MACROD2: variants seen among roughly 807,000 people sequenced by gnomAD.
MACROD2 encodes ADP-ribose glycohydrolase MACROD2.
Under a neutral mutation model 70.4 loss-of-function variants are expected in MACROD2, and 36 were observed. The observed-to-expected ratio is 0.51, with a 90% CI of 0.39 to 0.68. The LOEUF (loss-of-function observed/expected upper bound fraction) is 0.68. MACROD2 is among the 30% of genes least tolerant of loss of function. MACROD2 has a pLI of 0.00. For missense variants in MACROD2, 496 were observed against 538.4 expected (o/e 0.92, Z 0.78); for synonymous variants, 172 against 178.8 (o/e 0.96, Z 0.30).
chr20:14,520,715 C>A (rs1266883462), intron 4 of MACROD2, among the ~76,000 whole-genome samples: 1 of 152,162 alleles, frequency 6.6e-6, no homozygotes, highest in Non-Finnish European at 1.5e-5. Flanking sequence ...CCAGGTAGAG[C>A]TGACTCTTCC....
intron 8 of MACROD2, among the ~76,000 whole-genome samples, chr20:15,513,405 C>T (rs1286989708): frequency 6.6e-6 from 1 of 152,196 alleles, no homozygotes; most frequent in Non-Finnish European, 1.5e-5. Context: ...GAAGTTGTTG[C>T]AGCAGGAATG....
chr20:14,927,267 T>C (rs1434982184), intron 5 of MACROD2, among the ~76,000 whole-genome samples: 1 of 152,140 alleles, frequency 6.6e-6, no homozygotes, highest in Non-Finnish European at 1.5e-5. Context: ...AAAAAGAAGA[T>C]TGTAGCATGT....
chr20:15,447,080 G>C (rs868361525), intron 7 of MACROD2, among the ~76,000 whole-genome samples: 6 of 146,820 alleles, frequency 4.1e-5, no homozygotes, highest in East Asian at 5.0e-4. Context: ...GTGTGTGTGT[G>C]TGTGTGTCTG....
chr20:15,865,343 C>CAAT (rs3071405), intron 9 of MACROD2, among the ~76,000 whole-genome samples: 135,660 of 151,506 alleles, frequency 0.9, 61,887 homozygotes, highest in Non-Finnish European at 0.99. Flanking sequence ...TATTACAGTT[C>CAAT]AATAATAATG....
chr20:14,318,822 A>C (rs962942816), intron 3 of MACROD2, among the ~76,000 whole-genome samples: 49 of 152,092 alleles, frequency 3.2e-4, no homozygotes, highest in Admixed American at 2.8e-3. Context: ...ATCATTTTCT[A>C]ACTGCTTTTA....
At chr20:14,992,176 A>G (rs1292081045) in intron 5 of MACROD2, among the ~76,000 whole-genome samples, 1 of 152,172 alleles carries the variant, frequency 6.6e-6, no homozygotes, top group Non-Finnish European at 1.5e-5. Context: ...TAGTTTAAGG[A>G]TCACTTTTCC....
intron 8 of MACROD2, among the ~76,000 whole-genome samples, chr20:15,757,745 GAGAT>G (rs2051368939): frequency 6.6e-6 from 1 of 152,112 alleles, no homozygotes; most frequent in East Asian, 1.9e-4. Flanking sequence ...AAATAGATAA[GAGAT>G]AGAGAAGAGA....
chr20:14,638,067 A>T (rs575700237), intron 4 of MACROD2, among the ~76,000 whole-genome samples: 50 of 152,154 alleles, frequency 3.3e-4, no homozygotes, highest in African/African-American at 1.2e-3. Context: ...TGGGAAGAAA[A>T]AGTAGCTCAG....
intron 10 of MACROD2, among the ~76,000 whole-genome samples, chr20:15,898,459 C>T (rs1158173616): frequency 1.4e-5 from 2 of 145,648 alleles, no homozygotes; most frequent in African/African-American, 5.1e-5. Context: ...GCTGAGGCAT[C>T]AGAATTGCTT....
At chr20:15,687,689 G>A (rs1001455116) in intron 8 of MACROD2, among the ~76,000 whole-genome samples, 23 of 152,266 alleles carry the variant, frequency 1.5e-4, no homozygotes, top group Admixed American at 1.4e-3. Context: ...TGGTTTTCAA[G>A]TTTCAGGCTA....
intron 2 of MACROD2, among the ~76,000 whole-genome samples, chr20:14,004,218 T>TGTA (rs2052778909): frequency 1.3e-5 from 2 of 152,238 alleles, no homozygotes. Flanking sequence ...CTACTCAACC[T>TGTA]GTAGTAAATG....
At chr20:14,972,118 T>G (rs1228558124) in intron 5 of MACROD2, among the ~76,000 whole-genome samples, 1 of 152,266 alleles carries the variant, frequency 6.6e-6, no homozygotes, top group Non-Finnish European at 1.5e-5. Flanking sequence ...TGGTTTTGCC[T>G]GCTGTAAACA....
intron 5 of MACROD2, among the ~76,000 whole-genome samples, chr20:14,988,355 CAAA>C (rs11087116): frequency 3.0e-4 from 34 of 112,220 alleles, no homozygotes; most frequent in African/African-American, 1.2e-3. Flanking sequence ...GAGACTCTGT[CAAA>C]AAAAAAAAAA....
At chr20:14,475,067 G>C (rs942699674) in intron 3 of MACROD2, among the ~76,000 whole-genome samples, 1 of 151,168 alleles carries the variant, frequency 6.6e-6, no homozygotes, top group Non-Finnish European at 1.5e-5. Context: ...TTGTGATTAG[G>C]TGGTTTTCTC....
Position 14,786,204 on chromosome 20 carries a change from T to TAGAGAGAGAGAGAGAGAGAGAGAGAG in MACROD2, c.418+101253_418+101278dup, listed in dbSNP as rs11474711. On this transcript the variant is annotated intron_variant, in intron 5 of 17. Transcript: ENST00000684519. ...AGTGTTTGGTTCACTCAGAGAAAGA[T>TAGAGAGAGAGAGAGAGAGAGAGAGAG]AGAGAGAGAGAGAGAGAGAGAGAGA... Among the ~76,000 whole-genome samples, 56 of 135,530 alleles carry TAGAGAGAGAGAGAGAGAGAGAGAGAG rather than the reference T, an allele frequency of 4.1e-4. 2 individuals carry two copies. The highest frequency in any genetic ancestry group is 1.5e-3 in the African/African-American group (51 of 34,900). The allele number at this position is 135,530 out of a possible 152,430, so 88.9% of individuals were successfully genotyped here. A position where few individuals can be genotyped will look rare whatever the true frequency, so the allele number is the denominator to read the frequency against.
chr20:14,013,273 C>CTTTTTTT (rs770856375), intron 2 of MACROD2, among the ~76,000 whole-genome samples: 1 of 128,726 alleles, frequency 7.8e-6, no homozygotes, highest in Non-Finnish European at 1.7e-5. Context: ...ACTGTACTTT[C>CTTTTTTT]TTTTTTTTTT....
chr20:15,201,092 G>C (rs891610158), intron 5 of MACROD2, among the ~76,000 whole-genome samples: 2 of 152,070 alleles, frequency 1.3e-5, no homozygotes, highest in African/African-American at 2.4e-5. Flanking sequence ...CATAATTTGG[G>C]TAGCTTTAAT....
At chr20:14,089,698 A>G (rs2054123236) in intron 3 of MACROD2, among the ~76,000 whole-genome samples, 1 of 152,176 alleles carries the variant, frequency 6.6e-6, no homozygotes, top group African/African-American at 2.4e-5. Context: ...GCACAAGTTT[A>G]GAGTTAGGCA....
chr20:14,023,318 G>C (rs182559798), intron 2 of MACROD2, among the ~76,000 whole-genome samples: 1 of 152,172 alleles, frequency 6.6e-6, no homozygotes, highest in Admixed American at 6.5e-5. Context: ...CAGATGGATA[G>C]ATTGAAATAA....
Sources: allele counts gnomAD v4.1 joint callset (sites outside exome capture counted in the v4.1 genomes callset), GRCh38; gene constraint gnomAD v4.1.1; transcripts MANE v1.5; gene names NCBI Gene and HGNC (gene_info 2026-07-23, HGNC 2026-07-21).